Variants in USP34 observed in about 807,000 individuals in gnomAD.
The protein encoded by USP34 is ubiquitin specific peptidase 34.
Under a neutral mutation model 460.3 loss-of-function variants are expected in USP34, and 70 were observed. The observed-to-expected ratio is 0.15, with a 90% confidence interval of 0.13 to 0.19. The LOEUF is 0.19. Ranked by LOEUF, USP34 falls within the 10% of genes least tolerant of loss-of-function variation. The probability of loss-of-function intolerance (pLI) is 1.00; values close to 1 mark genes in which losing one functional copy is unlikely to be tolerated. For missense variants in USP34, 3,985 were observed against 4,236.2 expected, an observed-to-expected ratio of 0.94 and a Z score of 1.65; for synonymous variants, 1,647 against 1,405.3, an observed-to-expected ratio of 1.17 and a Z score of -3.85.
At chr2:61,295,625 C>A (rs936705235) in intron 30 of USP34, among the ~76,000 whole-genome samples, 2 of 152,154 alleles carry the variant, frequency 1.3e-5, no homozygotes, top group African/African-American at 4.8e-5. Flanking sequence ...AATTAAATGT[C>A]TGTACTTAAT....
In USP34 at chr2:61,204,245, T is replaced by A; in HGVS notation, c.9384+11A>T. Reference sequence around the variant, plus strand: ...TATAGCAACATGGATTTTCCTGGCATCCCAACATACCTTACTGGTTTCCAC... The same window carrying A: ...TATAGCAACATGGATTTTCCTGGCAACCCAACATACCTTACTGGTTTCCAC... On this transcript the variant is annotated intron_variant, in intron 74 of 79. Coordinates refer to ENST00000398571, the MANE Select transcript of USP34 (RefSeq NM_014709.4). 3.1e-6 allele frequency: 5 copies of A among 1,613,854 alleles called. No homozygotes were observed. The South Asian group carries it at 3.3e-5, about 11-fold the overall frequency.
At chr2:61,392,846 C>T (rs1401991700) in intron 5 of USP34, among the ~76,000 whole-genome samples, 3 of 152,160 alleles carry the variant, frequency 2.0e-5, no homozygotes, top group Admixed American at 6.5e-5. Context: ...AAAATTACCA[C>T]AGTGTGAAAT....
At chr2:61,199,645 G>A (rs1558462185) in intron 75 of USP34, among the ~76,000 whole-genome samples, 1 of 152,198 alleles carries the variant, frequency 6.6e-6, no homozygotes, top group East Asian at 1.9e-4. Flanking sequence ...AACCAGTTAT[G>A]TCACTACCAC....
chr2:61,395,067 C>G (rs922602638), intron 4 of USP34, 65 bp from the exon 5 acceptor site: 2 of 1,495,886 alleles, frequency 1.3e-6, no homozygotes, highest in Non-Finnish European at 1.8e-6. Flanking sequence ...CTTAGCAATA[C>G]TGGAAAGATA....
intron 41 of USP34, 141 bp from the exon 42 acceptor site, chr2:61,266,308 C>T (rs1055869115): frequency 1.3e-6 from 1 of 763,356 alleles, no homozygotes; most frequent in African/African-American, 1.7e-5. Context: ...ATCTGAAAGT[C>T]CTCCGTGTTC....
chr2:61,433,757 C>T (rs1253572598), intron 1 of USP34, among the ~76,000 whole-genome samples: 1 of 152,120 alleles, frequency 6.6e-6, no homozygotes, highest in African/African-American at 2.4e-5. Flanking sequence ...GGAATGTGCT[C>T]CCCAACCCCC....
chr2:61,301,222 T>G, intron 28 of USP34, 62 bp from the exon 29 acceptor site: 2 of 1,543,868 alleles, frequency 1.3e-6, no homozygotes, highest in Non-Finnish European at 1.7e-6. Context: ...AAACGGTAAA[T>G]CTGAAGTATA....
At chr2:61,322,189 C>A (rs1690944812) in intron 21 of USP34, among the ~76,000 whole-genome samples, 1 of 151,982 alleles carries the variant, frequency 6.6e-6, no homozygotes, top group African/African-American at 2.4e-5. Context: ...AAGATCACGC[C>A]AATGTACTCC....
At chr2:61,303,823 C>T (rs1229845525) in intron 27 of USP34, among the ~76,000 whole-genome samples, 1 of 151,558 alleles carries the variant, frequency 6.6e-6, no homozygotes, top group Non-Finnish European at 1.5e-5. Flanking sequence ...GTGTTATCTC[C>T]TGACCTCGTG....
chr2:61,296,816 T>A lies in USP34; in HGVS notation c.4238A>T (p.Asn1413Ile), dbSNP rs567471732. The A allele has an allele frequency of 1.2e-6, 2 of 1,613,168 alleles. No homozygotes were observed. The highest frequency in any genetic ancestry group is 1.3e-5 in the African/African-American group (1 of 74,982). Residue 1413 changes from asparagine (N) to isoleucine (I), a missense_variant, in exon 30 of 80, where the codon AAT becomes ATT. Asn to Ile is a moderately radical substitution (Grantham distance 149). Coordinates refer to ENST00000398571, the MANE Select transcript of USP34 (RefSeq NM_014709.4). The part of the protein sequence containing the change: ...TCPNMLMAFQ[N>I]ISDEQSNDGF... ...TGGGCTCACCTGCTCATCTGAGATA[T>A]TCTGGAATGCCATCAACATATTAGG...
At chr2:61,399,030 G>A (rs1391050365) in intron 3 of USP34, among the ~76,000 whole-genome samples, 2 of 152,118 alleles carry the variant, frequency 1.3e-5, no homozygotes, top group African/African-American at 2.4e-5. Flanking sequence ...TTAGAGCCAC[G>A]ATTTCTAGTG....
intron 13 of USP34, among the ~76,000 whole-genome samples, 160 bp from the exon 14 acceptor site, chr2:61,349,046 AAAG>A (rs71911723): frequency 0.13 from 19,669 of 152,220 alleles, 1,411 homozygotes; most frequent in African/African-American, 0.16. Context: ...CATGATTTCT[AAAG>A]AAGATGTAAG....
rs529078089 is a variant in USP34, at chr2:61,381,522, G to T, written c.822-1161C>A. Among the ~76,000 whole-genome samples the T allele has an allele frequency of 2.6e-5, 4 of 152,182 alleles. No individual in the cohort carries two copies. In the East Asian group the frequency reaches 7.7e-4, roughly 29 times the overall value. The stretch of plus-strand genomic sequence containing the variant: ...ACCACCTAATTTTCTTCTGCACAGA[G>T]ATGGAGTCTCGCTATGTTGCCCAGA... On this transcript the variant is annotated intron_variant, in intron 6 of 79. Coordinates refer to ENST00000398571, the MANE Select transcript of USP34 (RefSeq NM_014709.4).
chr2:61,377,745 T>C (rs897995626), intron 8 of USP34, among the ~76,000 whole-genome samples: 12 of 152,198 alleles, frequency 7.9e-5, no homozygotes, highest in Non-Finnish European at 1.6e-4. Context: ...CTACAGTACT[T>C]TGTTACAGCA....
At chr2:61,461,381 G>A (rs1259482327) in intron 1 of USP34, among the ~76,000 whole-genome samples, 3 of 148,770 alleles carry the variant, frequency 2.0e-5, no homozygotes, top group East Asian at 1.9e-4. Context: ...GAACAAGAGC[G>A]AAATTCCGCC....
intron 67 of USP34, among the ~76,000 whole-genome samples, chr2:61,217,492 A>T (rs1687436747): frequency 2.6e-5 from 4 of 152,228 alleles, no homozygotes; most frequent in Admixed American, 2.6e-4. Flanking sequence ...AAGTTACAGC[A>T]AAAGCACTTT....
rs984094879 is a variant in USP34, at chr2:61,266,222, A to G, written c.5434-55T>C. ...AACTGAGATATTAATTACATTCCAAATATAGTTAACATATACACAGGATGA... is the reference window on the plus strand; with the variant it reads ...AACTGAGATATTAATTACATTCCAAGTATAGTTAACATATACACAGGATGA... On this transcript the variant is annotated intron_variant, in intron 41 of 79. Transcript: ENST00000398571. The G allele has an allele frequency of 4.7e-6, 7 of 1,505,248 alleles. No homozygotes were observed. The African/African-American group carries it at 9.6e-5, about 21-fold the overall frequency. The allele number at this position is 1,505,248 out of a possible 1,614,324, so 93.2% of individuals were successfully genotyped here. A position where few individuals can be genotyped will look rare whatever the true frequency, so the allele number is the denominator to read the frequency against.
chr2:61,349,164 A>T, intron 13 of USP34, 86 bp downstream of exon 13: 1 of 1,439,086 alleles, frequency 6.9e-7, no homozygotes, highest in South Asian at 1.3e-5. Context: ...TGATACAAAT[A>T]TATTATTATG....
chr2:61,415,193 A>G (rs754514589), intron 2 of USP34, among the ~76,000 whole-genome samples: 32 of 152,140 alleles, frequency 2.1e-4, no homozygotes, highest in Admixed American at 1.6e-3. Flanking sequence ...AAAATGAATT[A>G]TAAGGATGAG....
Sources: allele counts gnomAD v4.1 joint callset (sites outside exome capture counted in the v4.1 genomes callset), GRCh38; gene constraint gnomAD v4.1.1; transcripts MANE v1.5; gene names NCBI Gene and HGNC (gene_info 2026-07-23, HGNC 2026-07-21).